The following NTF3 variants were observed in gnomAD, a reference collection of about 807,000 sequenced individuals.
NTF3 encodes the protein neurotrophin 3, also known as neurotrophin-3.
In NTF3, 8 loss-of-function variants were observed where a neutral mutation model predicts 26.3. The observed-to-expected ratio is 0.30, with a 90% CI of 0.18 to 0.55. The LOEUF (loss-of-function observed/expected upper bound fraction) is 0.55, where lower values mean the gene tolerates loss of function less well. NTF3 is among the 20% of genes least tolerant of loss of function. The pLI is 0.93. For synonymous variants in NTF3, 154 were observed against 145.5 expected, an observed-to-expected ratio of 1.06 and a Z score of -0.42; for missense variants, 276 against 352.9, an observed-to-expected ratio of 0.78 and a Z score of 1.75.
intron 1 of NTF3, among the ~76,000 whole-genome samples, chr12:5,441,795 T>G (rs1002909184): frequency 1.3e-5 from 2 of 152,208 alleles, no homozygotes; most frequent in Admixed American, 1.3e-4. Flanking sequence ...AGTGTTACCT[T>G]TATCCCCCTT....
chr12:5,462,846 C>A (rs1450166774), intron 1 of NTF3, among the ~76,000 whole-genome samples: 1 of 152,184 alleles, frequency 6.6e-6, no homozygotes, highest in African/African-American at 2.4e-5. Context: ...TAGCCATGTG[C>A]CAAGGCCAGG....
upstream of NTF3, among the ~76,000 whole-genome samples, chr12:5,431,549 G>C (rs1240423884): frequency 6.6e-6 from 1 of 152,046 alleles, no homozygotes; most frequent in East Asian, 1.9e-4. Context: ...GCTGTGGGGT[G>C]GGGGGAGGAG....
At chr12:5,490,632 G>A (rs1371560154) in intron 1 of NTF3, among the ~76,000 whole-genome samples, 1 of 152,204 alleles carries the variant, frequency 6.6e-6, no homozygotes, top group African/African-American at 2.4e-5. Context: ...GCCAAAAAGT[G>A]ACCAGAGATC....
At chr12:5,453,038 A>C (rs960701722) in intron 1 of NTF3, among the ~76,000 whole-genome samples, 3 of 152,200 alleles carry the variant, frequency 2.0e-5, no homozygotes, top group Non-Finnish European at 2.9e-5. Context: ...CATCATCCTC[A>C]AGTTTCTCAT....
At chr12:5,432,623 C>T (rs1449360868) in intron 1 of NTF3, among the ~76,000 whole-genome samples, 2 of 151,484 alleles carry the variant, frequency 1.3e-5, no homozygotes, top group Non-Finnish European at 2.9e-5. Context: ...GGACACCCTT[C>T]TCCACCTCCT....
intron 1 of NTF3, among the ~76,000 whole-genome samples, chr12:5,478,655 C>T (rs1940752887): frequency 6.6e-6 from 1 of 152,250 alleles, no homozygotes; most frequent in Non-Finnish European, 1.5e-5. Flanking sequence ...CTATTAAACC[C>T]AGTTTTAATC....
At chr12:5,478,521 G>A (rs1207425297) in intron 1 of NTF3, among the ~76,000 whole-genome samples, 1 of 152,250 alleles carries the variant, frequency 6.6e-6, no homozygotes, top group Non-Finnish European at 1.5e-5. Flanking sequence ...TGTGGTGAGG[G>A]TCACTCATGG....
chr12:5,474,792 A>G (rs967219628), intron 1 of NTF3, among the ~76,000 whole-genome samples: 4 of 152,158 alleles, frequency 2.6e-5, no homozygotes, highest in African/African-American at 9.7e-5. Flanking sequence ...AGGAGGGTGG[A>G]TTTTGAGAAA....
At chr12:5,468,941 C>G (rs375474959) in intron 1 of NTF3, among the ~76,000 whole-genome samples, 1 of 152,070 alleles carries the variant, frequency 6.6e-6, no homozygotes, top group African/African-American at 2.4e-5. Flanking sequence ...GGCAACATGG[C>G]AAAACCCCAT....
chr12:5,485,920 G>C (rs1472059445), intron 1 of NTF3, among the ~76,000 whole-genome samples: 2 of 152,208 alleles, frequency 1.3e-5, no homozygotes, highest in Non-Finnish European at 2.9e-5. Context: ...AAGTACTCAA[G>C]AGCATGATGG....
At chr12:5,440,562 C>T (rs1940224102) in intron 1 of NTF3, among the ~76,000 whole-genome samples, 1 of 152,188 alleles carries the variant, frequency 6.6e-6, no homozygotes, top group South Asian at 2.1e-4. Flanking sequence ...AGACACAGCT[C>T]TAGAAATCAC....
intron 1 of NTF3, among the ~76,000 whole-genome samples, chr12:5,481,557 ACACACACATACAT>A (rs1940798889): frequency 6.8e-6 from 1 of 147,744 alleles, no homozygotes; most frequent in East Asian, 2.0e-4. Context: ...ATATATGCAC[ACACACACATACAT>A]ACATGCACCA....
At chr12:5,448,087 A>G (rs1282941691) in intron 1 of NTF3, among the ~76,000 whole-genome samples, 1 of 152,164 alleles carries the variant, frequency 6.6e-6, no homozygotes, top group East Asian at 1.9e-4. Flanking sequence ...CTCTGCACAC[A>G]CTTGCACCTG....
At chr12:5,459,405 C>T (rs2121187555) in intron 1 of NTF3, among the ~76,000 whole-genome samples, 1 of 152,344 alleles carries the variant, frequency 6.6e-6, no homozygotes, top group East Asian at 1.9e-4. Flanking sequence ...ATCTGTCCTT[C>T]ACTCTCAAAG....
intron 1 of NTF3, among the ~76,000 whole-genome samples, chr12:5,481,873 A>G (rs952319458): frequency 6.6e-6 from 1 of 151,770 alleles, no homozygotes. Flanking sequence ...ATACACAGAC[A>G]TCACACATGC....
Position 5,456,643 on chromosome 12 carries a change from T to C in NTF3, c.18+24301T>C, listed in dbSNP as rs376997209. 6.0e-5 allele frequency among the ~76,000 whole-genome samples: 9 copies of C among 150,862 alleles called. No homozygotes were observed. The highest frequency in any genetic ancestry group is 2.2e-4 in the African/African-American group (9 of 41,208). On this transcript the variant is annotated intron_variant, in intron 1 of 1. Transcript: ENST00000423158. This position sits in a 1 kb window ranked among gnomAD's most constrained non-coding sequence, Gnocchi z 4.4. ...CACCCCCAGCCCCTGGAGCAGGTAC[T>C]CGGGGTCAGAGCTCTGCTGAGGGTC...
rs1047448739 is a variant in NTF3, at chr12:5,456,369, G to T, written c.18+24027G>T. Among the ~76,000 whole-genome samples the T allele has an allele frequency of 2.6e-5, 4 of 152,072 alleles. No homozygotes were observed. Among genetic ancestry groups the T allele is most frequent in the Admixed American group, 6.6e-5 (1 of 15,264 alleles). On this transcript the variant is annotated intron_variant, in intron 1 of 1. Coordinates refer to ENST00000423158, the MANE Select transcript of NTF3 (RefSeq NM_001102654.2). This position sits in a 1 kb window ranked among gnomAD's most constrained non-coding sequence, Gnocchi z 4.4. The stretch of plus-strand genomic sequence containing the variant: ...AGCCTCCTTTTGTGATTTTTGCAGC[G>T]GCCTTTAGCTTCCTTTACTCACCCC...
At chr12:5,488,198 GT>G (rs1312312004) in intron 1 of NTF3, among the ~76,000 whole-genome samples, 1 of 152,084 alleles carries the variant, frequency 6.6e-6, no homozygotes, top group Non-Finnish European at 1.5e-5. Context: ...TCCCTCCCTT[GT>G]TGGTTTTGGA....
chr12:5,479,261 T>G (rs1161887433), intron 1 of NTF3, among the ~76,000 whole-genome samples: 1 of 152,232 alleles, frequency 6.6e-6, no homozygotes, highest in Non-Finnish European at 1.5e-5. Context: ...GATGCAGAAC[T>G]TGGGCCAGTA....
Sources: allele counts gnomAD v4.1 joint callset (sites outside exome capture counted in the v4.1 genomes callset), GRCh38; gene constraint gnomAD v4.1.1; non-coding constraint Gnocchi (gnomAD v3.1); transcripts MANE v1.5; gene names NCBI Gene and HGNC (gene_info 2026-07-23, HGNC 2026-07-21).